The following SCAF4 variants were observed in gnomAD, a reference collection of about 807,000 sequenced individuals.
The protein encoded by SCAF4 is SR-related CTD associated factor 4, also known as SR-related and CTD-associated factor 4.
Under a neutral mutation model 129.8 loss-of-function variants are expected in SCAF4, and 25 were observed. That is an observed-to-expected ratio of 0.19 (90% CI 0.14 to 0.27). The LOEUF is 0.27. Among genes scored for constraint, SCAF4 ranks in the 10% least tolerant of loss-of-function variants. The probability of loss-of-function intolerance (pLI) is 1.00; values close to 1 mark genes in which losing one functional copy is unlikely to be tolerated. For synonymous variants in SCAF4, 551 were observed against 497.7 expected, an observed-to-expected ratio of 1.11 and a Z score of -1.43; for missense variants, 1,246 against 1,457.1, an observed-to-expected ratio of 0.86 and a Z score of 2.36.
chr21:31,704,636 G>C (rs181652709), intron 3 of SCAF4, among the ~76,000 whole-genome samples: 4 of 152,008 alleles, frequency 2.6e-5, no homozygotes, highest in Non-Finnish European at 4.4e-5. Context: ...AACTCAGTGG[G>C]AAAAGCAGCC....
chr21:31,672,123 C>A lies in SCAF4; in HGVS notation c.2720G>T (p.Gly907Val). ...AAAGGGGCCATGCGGTGGGAAGGGACCTTTCATTCCATGAGGTGGAGGCAT... is the reference window on the plus strand; with the variant it reads ...AAAGGGGCCATGCGGTGGGAAGGGAACTTTCATTCCATGAGGTGGAGGCAT... ...FAMPPPHGMK[G>V]PFPPHGPFVR... The change falls in exon 20 of 20, where the codon GGT becomes GTT. Residue 907 changes from glycine to valine, a missense_variant. This residue lies in a region of SCAF4 where 339 missense variants were observed against 325.0 expected (regional missense o/e 1.04). Transcript: ENST00000286835. 1 of 1,610,166 alleles carries A rather than the reference C, an allele frequency of 6.2e-7. No individual in the cohort carries two copies. Among genetic ancestry groups the A allele is most frequent in the South Asian group, 1.1e-5 (1 of 90,952 alleles).
chr21:31,691,418 T>A (rs533174992), intron 14 of SCAF4, among the ~76,000 whole-genome samples: 6 of 152,306 alleles, frequency 3.9e-5, no homozygotes, highest in Non-Finnish European at 8.8e-5. Context: ...AAAATACCCA[T>A]ATACCTATAT....
In SCAF4 at chr21:31,693,425, C is replaced by A; in HGVS notation, c.1382G>T (p.Arg461Leu). The A allele has an allele frequency of 6.4e-7, 1 of 1,561,350 alleles. No homozygotes were observed. Among genetic ancestry groups the A allele is most frequent in the Non-Finnish European group, 8.7e-7 (1 of 1,143,924 alleles). The change falls in exon 12 of 20, where the codon CGT becomes CTT. Residue 461 changes from arginine to leucine, a missense_variant. Coordinates refer to ENST00000286835, the MANE Select transcript of SCAF4 (RefSeq NM_020706.2). ...TCTATCCCTGGACCGAGATCGAGAA[C>A]GTCGATGCCGAGACCTTCGAGATCT... is the stretch of plus-strand genomic sequence containing the variant. Reference protein sequence around the residue: ...GSRSRRSRHRRSRSRSRDRRR... With the variant: ...GSRSRRSRHRLSRSRSRDRRR...
At chr21:31,691,786 A>C (rs745722763) in intron 14 of SCAF4, 31 bp downstream of exon 14, 3 of 1,273,210 alleles carry the variant, frequency 2.4e-6, no homozygotes, top group Non-Finnish European at 3.2e-6. Context: ...CTATTTAAAA[A>C]AAAAATTAAT....
rs147439688 is a variant in SCAF4, at chr21:31,696,652, G to T, written c.876C>A (p.Ala292=). Residue 292 remains alanine, a synonymous_variant, in exon 8 of 20, where the codon GCC becomes GCA. Coordinates refer to ENST00000286835, the MANE Select transcript of SCAF4 (RefSeq NM_020706.2). ...TTAVTTTAPA[A]AVPPAPTATV... ...TGGCGGTGGGTGCAGGGGGTACTGC[G>T]GCAGCAGGTGCTGTCGTGGTGACGG... 1 of 1,613,864 alleles carries T rather than the reference G, an allele frequency of 6.2e-7. No individual in the cohort carries two copies. The highest frequency in any genetic ancestry group is 1.7e-5 in the Admixed American group (1 of 59,990).
chr21:31,726,212 A>T (rs1953584078), intron 1 of SCAF4, among the ~76,000 whole-genome samples: 1 of 151,808 alleles, frequency 6.6e-6, no homozygotes, highest in African/African-American at 2.4e-5. Context: ...CACCCAGCTA[A>T]TTTTTTGTAT....
At position 31,698,346 on chromosome 21, in the gene SCAF4, G is replaced by A. The variant is rs145904527; in HGVS notation, c.778-1596C>T. Reference sequence around the variant, plus strand: ...AAACTTATGGGCCAGTCCACTTAAGGTTAAATACTAGAGGAATTAGAATTC... The same window carrying A: ...AAACTTATGGGCCAGTCCACTTAAGATTAAATACTAGAGGAATTAGAATTC... On this transcript the variant is annotated intron_variant, in intron 7 of 19. Coordinates refer to ENST00000286835, the MANE Select transcript of SCAF4 (RefSeq NM_020706.2). 6.5e-3 allele frequency among the ~76,000 whole-genome samples: 983 copies of A among 152,180 alleles called. 46 individuals carry two copies. The highest frequency in any genetic ancestry group is 0.058 in the Admixed American group (880 of 15,286).
At chr21:31,711,949 G>A (rs2050809153) in intron 1 of SCAF4, among the ~76,000 whole-genome samples, 1 of 152,082 alleles carries the variant, frequency 6.6e-6, no homozygotes, top group East Asian at 1.9e-4. Context: ...ACTGAATGTG[G>A]TGACTTAGGA....
chr21:31,671,935 A>G lies in SCAF4; in HGVS notation c.2908T>C (p.Ser970Pro). The change falls in exon 20 of 20, where the codon TCA (serine) becomes CCA (proline). Residue 970 changes from serine (S) to proline (P), a missense_variant. Physicochemically the swap from Ser to Pro is moderately conservative, Grantham distance 74. This residue lies in a region of SCAF4 where 339 missense variants were observed against 325.0 expected (regional missense o/e 1.04). Coordinates refer to ENST00000286835, the MANE Select transcript of SCAF4 (RefSeq NM_020706.2). ...QQQQQQQPPP[S>P]QQPPPTQQQP... is the part of the protein sequence containing the mutation. ...TGCTGTGTTGGTGGAGGCTGTTGTGATGGTGGTGGCTGCTGCTGCTGCTGC... is the reference window on the plus strand; with the variant it reads ...TGCTGTGTTGGTGGAGGCTGTTGTGGTGGTGGTGGCTGCTGCTGCTGCTGC... The G allele has an allele frequency of 6.2e-7, 1 of 1,610,252 alleles. No homozygotes were observed. The highest frequency in any genetic ancestry group is 2.2e-5 in the East Asian group (1 of 44,784).
intron 1 of SCAF4, among the ~76,000 whole-genome samples, chr21:31,728,928 G>A (rs1416377088): frequency 6.6e-6 from 1 of 152,098 alleles, no homozygotes; most frequent in African/African-American, 2.4e-5. Flanking sequence ...TCAGCCCTTA[G>A]GATGTGGGGA....
At chr21:31,681,997 C>T (rs2050005512) in intron 19 of SCAF4, among the ~76,000 whole-genome samples, 2 of 152,130 alleles carry the variant, frequency 1.3e-5, no homozygotes, top group Admixed American at 6.5e-5. Context: ...CTACAGATAT[C>T]TAGTAGGTGT....
At chr21:31,672,422 G>C (rs1280724923) in intron 19 of SCAF4, 68 bp from the exon 20 acceptor site, 2 of 1,233,950 alleles carry the variant, frequency 1.6e-6, no homozygotes, top group African/African-American at 1.5e-5. Context: ...GCTGTGTTCT[G>C]TGGCGCTTAA....
In SCAF4 at chr21:31,671,669, G is replaced by C. The variant is rs73903115; in HGVS notation, c.3174C>G (p.Asp1058Glu). 6.1e-5 allele frequency: 99 copies of C among 1,613,664 alleles called. No homozygotes were observed. The African/African-American group carries it at 9.2e-4, about 15-fold the overall frequency. The part of the protein sequence containing the change: ...ERNRRSSGHR[D>E]RERDSRDRES... ...CTCTATCTCTAGAATCTCTCTCTCT[G>C]TCTCGATGCCCACTAGAGCGTCTAT... Residue 1058 changes from aspartate (D) to glutamate (E), a missense_variant, in exon 20 of 20, where the codon GAC becomes GAG. By Grantham distance (45) the Asp-to-Glu change is conservative. Coordinates refer to ENST00000286835, the MANE Select transcript of SCAF4 (RefSeq NM_020706.2).
chr21:31,672,046 C>CCCCTGGGCCTGG lies in SCAF4; in HGVS notation c.2785_2796dup (p.Pro929_Gly932dup). 6.2e-7 allele frequency: 1 copy of CCCCTGGGCCTGG among 1,613,406 alleles called. No homozygotes were observed. Among genetic ancestry groups the CCCCTGGGCCTGG allele is most frequent in the East Asian group, 2.2e-5 (1 of 44,870 alleles). On this transcript the variant is annotated inframe_insertion, in exon 20 of 20. Transcript: ENST00000286835. The stretch of plus-strand genomic sequence containing the variant: ...TGCCTTCCGTCTCTGTCTTCAGGAC[C>CCCCTGGGCCTGG]CCCTGGGCCTGGCCCTGGGCCCCCG...
At chr21:31,704,161 T>C (rs2050599154) in intron 3 of SCAF4, among the ~76,000 whole-genome samples, 1 of 152,068 alleles carries the variant, frequency 6.6e-6, no homozygotes, top group African/African-American at 2.4e-5. Flanking sequence ...CTTTGATTTC[T>C]CTACTTCCCT....
At chr21:31,724,189 T>C (rs1000689601) in intron 1 of SCAF4, among the ~76,000 whole-genome samples, 1 of 152,098 alleles carries the variant, frequency 6.6e-6, no homozygotes, top group Admixed American at 6.5e-5. Context: ...GTAAAATCTC[T>C]TGTAGTTCTC....
chr21:31,675,007 G>A (rs2123462518), intron 19 of SCAF4, among the ~76,000 whole-genome samples: 1 of 152,238 alleles, frequency 6.6e-6, no homozygotes, highest in Middle Eastern at 3.4e-3. Flanking sequence ...GTCTGAATTG[G>A]ATCTCAAAGG....
chr21:31,717,052 T>C (rs2050936411), intron 1 of SCAF4, among the ~76,000 whole-genome samples: 1 of 152,116 alleles, frequency 6.6e-6, no homozygotes, highest in African/African-American at 2.4e-5. Context: ...AAAGTACAAA[T>C]TAATACAAGG....
intron 1 of SCAF4, among the ~76,000 whole-genome samples, chr21:31,718,305 C>T (rs1876003365): frequency 6.6e-6 from 1 of 152,032 alleles, no homozygotes; most frequent in South Asian, 2.1e-4. Flanking sequence ...TGATATACAG[C>T]TTACTTCCAT....
Sources: allele counts gnomAD v4.1 joint callset (sites outside exome capture counted in the v4.1 genomes callset), GRCh38; gene constraint gnomAD v4.1.1; regional missense constraint gnomAD v4.1.1; transcripts MANE v1.5; gene names NCBI Gene and HGNC (gene_info 2026-07-23, HGNC 2026-07-21).